MYO5A: variants seen among roughly 807,000 people sequenced by gnomAD.
MYO5A encodes myosin VA, also known as unconventional myosin-Va.
A neutral mutation model predicts 249.7 loss-of-function variants in MYO5A; 98 were observed. That is an observed-to-expected ratio of 0.39 (90% CI 0.33 to 0.46). MYO5A has a LOEUF of 0.46. Among genes scored for constraint, MYO5A ranks in the 20% least tolerant of loss-of-function variants. The pLI is 0.98. For synonymous variants in MYO5A, 778 were observed against 810.6 expected, an observed-to-expected ratio of 0.96 and a Z score of 0.68; for missense variants, 1,696 against 2,308.8, an observed-to-expected ratio of 0.73 and a Z score of 5.44.
At chr15:52,470,010 C>T (rs776966961) in intron 1 of MYO5A, among the ~76,000 whole-genome samples, 3 of 152,180 alleles carry the variant, frequency 2.0e-5, no homozygotes, top group East Asian at 1.9e-4. Flanking sequence ...GTAAATCCTA[C>T]GAAGGCATTC....
chr15:52,479,217 A>T (rs2076664048), intron 1 of MYO5A, among the ~76,000 whole-genome samples: 1 of 151,964 alleles, frequency 6.6e-6, no homozygotes, highest in Non-Finnish European at 1.5e-5. Context: ...ACCTCCAGTG[A>T]CCTGCCCTCC....
chr15:52,367,434 G>A (rs1169755936), intron 22 of MYO5A, among the ~76,000 whole-genome samples: 1 of 152,142 alleles, frequency 6.6e-6, no homozygotes, highest in African/African-American at 2.4e-5. Flanking sequence ...GAAGGATAAG[G>A]ATGGTGATGG....
chr15:52,416,332 T>G lies in MYO5A; in HGVS notation c.456-31A>C, dbSNP rs749527686. 2.9e-5 allele frequency: 47 copies of G among 1,600,930 alleles called. No homozygotes were observed. The South Asian group carries it at 5.2e-4, about 18-fold the overall frequency. On this transcript the variant is annotated intron_variant, in intron 4 of 41. Transcript: ENST00000399233. Reference sequence around the variant, plus strand: ...AAATAAAAATTTTTTAAAAAGTAACTGCCATTGCTGCCTATAGCAGGATTG... The same window carrying G: ...AAATAAAAATTTTTTAAAAAGTAACGGCCATTGCTGCCTATAGCAGGATTG...
At chr15:52,486,875 C>T (rs868090112) in intron 1 of MYO5A, among the ~76,000 whole-genome samples, 27 of 152,150 alleles carry the variant, frequency 1.8e-4, no homozygotes, top group African/African-American at 1.7e-4. Context: ...CACGAGGACA[C>T]ACCCATGTCA....
In MYO5A at chr15:52,377,199, G is replaced by A. The variant is rs140092391; in HGVS notation, c.2209-641C>T. Among the ~76,000 whole-genome samples the A allele has an allele frequency of 6.8e-4, 104 of 152,126 alleles. No individual in the cohort carries two copies. In the East Asian group the frequency reaches 0.016, roughly 24 times the overall value. On this transcript the variant is annotated intron_variant, in intron 18 of 41. Transcript: ENST00000399233. ...AGCACTTCGGGAGGTCAAGGCTGGCGGATCATGAGGTCAGGAGATCGAGAA... is the reference window on the plus strand; with the variant it reads ...AGCACTTCGGGAGGTCAAGGCTGGCAGATCATGAGGTCAGGAGATCGAGAA...
At chr15:52,359,242 G>C (rs2040400301) in intron 25 of MYO5A, among the ~76,000 whole-genome samples, 1 of 152,010 alleles carries the variant, frequency 6.6e-6, no homozygotes, top group Non-Finnish European at 1.5e-5. Context: ...TTTCTGATTT[G>C]GCCATTTTCA....
chr15:52,341,033 C>A (rs998717769), intron 31 of MYO5A, among the ~76,000 whole-genome samples: 6 of 151,826 alleles, frequency 4.0e-5, no homozygotes, highest in African/African-American at 1.5e-4. Context: ...ATTTGCCTTG[C>A]ATTTGCATTT....
At chr15:52,507,706 A>G (rs1468552551) in intron 1 of MYO5A, among the ~76,000 whole-genome samples, 3 of 151,268 alleles carry the variant, frequency 2.0e-5, no homozygotes, top group Non-Finnish European at 4.4e-5. Flanking sequence ...GTCCCAGCCG[A>G]AGTGGGAGGA....
At chr15:52,456,138 C>CA (rs1334032477) in intron 1 of MYO5A, among the ~76,000 whole-genome samples, 1 of 151,976 alleles carries the variant, frequency 6.6e-6, no homozygotes, top group Non-Finnish European at 1.5e-5. Context: ...AATCAACATA[C>CA]AAAACCAGTA....
chr15:52,514,168 T>C (rs1272219958), intron 1 of MYO5A, among the ~76,000 whole-genome samples: 2 of 152,280 alleles, frequency 1.3e-5, no homozygotes, highest in African/African-American at 4.8e-5. Flanking sequence ...CTCATTCATA[T>C]GTTCAATCAC....
At chr15:52,458,519 C>G (rs2076166337) in intron 1 of MYO5A, among the ~76,000 whole-genome samples, 1 of 151,882 alleles carries the variant, frequency 6.6e-6, no homozygotes, top group South Asian at 2.1e-4. Context: ...ACTAGAGAGG[C>G]TGAGGTGAGA....
At chr15:52,506,488 T>C (rs1469090110) in intron 1 of MYO5A, among the ~76,000 whole-genome samples, 2 of 150,600 alleles carry the variant, frequency 1.3e-5, no homozygotes, top group African/African-American at 4.9e-5. Context: ...GATCGCGCCA[T>C]TGTACTCCAG....
intron 1 of MYO5A, among the ~76,000 whole-genome samples, chr15:52,496,184 T>C (rs1179800971): frequency 6.6e-6 from 1 of 152,036 alleles, no homozygotes; most frequent in Non-Finnish European, 1.5e-5. Context: ...AGGATATAGG[T>C]CCCTTCATGA....
chr15:52,375,837 A>G (rs1050450781), intron 19 of MYO5A, among the ~76,000 whole-genome samples: 2 of 152,202 alleles, frequency 1.3e-5, no homozygotes, highest in Non-Finnish European at 2.9e-5. Flanking sequence ...ATACTTAGTT[A>G]TCACCAGCTT....
intron 3 of MYO5A, among the ~76,000 whole-genome samples, chr15:52,428,086 G>C (rs1462508833): frequency 1.3e-5 from 2 of 152,180 alleles, no homozygotes; most frequent in African/African-American, 4.8e-5. Context: ...TCTACTCTTC[G>C]TGTAGTAGTT....
intron 38 of MYO5A, among the ~76,000 whole-genome samples, chr15:52,320,869 T>G (rs1382779538): frequency 2.0e-5 from 3 of 151,848 alleles, no homozygotes; most frequent in African/African-American, 7.3e-5. Flanking sequence ...AAAAATTAAC[T>G]GGGCGTGGTG....
chr15:52,370,402 A>T lies in MYO5A; in HGVS notation c.2833T>A (p.Cys945Ser). The T allele has an allele frequency of 6.2e-7, 1 of 1,611,968 alleles. No individual in the cohort carries two copies. Among genetic ancestry groups the T allele is most frequent in the Non-Finnish European group, 8.5e-7 (1 of 1,178,036 alleles). ...AGATTGGTTAGTTTCTCCACAAGGC[A>T]TTTGTAGTCTTTGTTCTTTAAACAT... ...KVDEQNKDYK[C>S]LVEKLTNLEG... Residue 945 changes from cysteine (C) to serine (S), a missense_variant, in exon 22 of 42, where the codon TGC (cysteine) becomes AGC (serine). Physicochemically the swap from Cys to Ser is moderately radical, Grantham distance 112. Transcript: ENST00000399233.
Position 52,308,186 on chromosome 15 carries a change from C to T in MYO5A, c.*5510G>A, listed in dbSNP as rs1049759769. The T allele has an allele frequency of 1.3e-5, 2 of 152,076 alleles. No homozygotes were observed. Among genetic ancestry groups the T allele is most frequent in the Admixed American group, 1.3e-4 (2 of 15,276 alleles). 9.4% of individuals were successfully genotyped at this position (152,076 alleles called of 1,614,324 possible). On this transcript the variant is annotated 3_prime_UTR_variant, in exon 42 of 42. Coordinates refer to ENST00000399233, the MANE Select transcript of MYO5A (RefSeq NM_001382347.1). ...CGTTAGTCATATGAATCCAATAACG[C>T]CCATTAAGTTAAGCTAACGAACATT...
intron 4 of MYO5A, among the ~76,000 whole-genome samples, chr15:52,417,982 A>G (rs1009349679): frequency 5.3e-5 from 8 of 152,318 alleles, no homozygotes; most frequent in African/African-American, 1.7e-4. Flanking sequence ...CCGTAAGAGG[A>G]AGAAGAGGTT....
Sources: allele counts gnomAD v4.1 joint callset (sites outside exome capture counted in the v4.1 genomes callset), GRCh38; gene constraint gnomAD v4.1.1; transcripts MANE v1.5; gene names NCBI Gene and HGNC (gene_info 2026-07-23, HGNC 2026-07-21).